HMGCLL1: variants seen among roughly 807,000 people sequenced by gnomAD.
HMGCLL1 encodes 3-hydroxymethyl-3-methylglutaryl-CoA lyase, cytoplasmic.
In HMGCLL1, 36 loss-of-function variants were observed where a neutral mutation model predicts 39.1. The ratio of observed to expected loss-of-function variants is 0.92; its 90% CI spans 0.71 to 1.22. The LOEUF (loss-of-function observed/expected upper bound fraction) is 1.22, where lower values mean the gene tolerates loss of function less well. HMGCLL1 is among the 50% of genes most tolerant of loss of function. The pLI, the probability that HMGCLL1 is intolerant of heterozygous loss-of-function variation, is 0.00. For missense variants in HMGCLL1, 451 were observed against 416.5 expected, an observed-to-expected ratio of 1.08 and a Z score of -0.72; for synonymous variants, 149 against 144.0, an observed-to-expected ratio of 1.03 and a Z score of -0.25.
At chr6:55,489,640 T>C (rs1017025817) in intron 7 of HMGCLL1, among the ~76,000 whole-genome samples, 1 of 152,050 alleles carries the variant, frequency 6.6e-6, no homozygotes, top group South Asian at 2.1e-4. Context: ...AAACTTGCAA[T>C]ATTATGTCTG....
chr6:55,476,176 T>G (rs748727371), intron 7 of HMGCLL1, among the ~76,000 whole-genome samples: 3 of 151,598 alleles, frequency 2.0e-5, no homozygotes, highest in African/African-American at 4.8e-5. Flanking sequence ...AAACTGGTAT[T>G]TGTTCAATAT....
chr6:55,639,952 C>T, the HMGCLL1 span, among the ~76,000 whole-genome samples: 1 of 152,042 alleles, frequency 6.6e-6, no homozygotes, highest in Non-Finnish European at 1.5e-5. Flanking sequence ...GTGGCATGTG[C>T]CTGTAATCCC....
Position 55,579,042 on chromosome 6 carries a change from G to T in HMGCLL1, c.14C>A (p.Pro5Gln), listed in dbSNP as rs1367578430. 6.2e-7 allele frequency: 1 copy of T among 1,611,770 alleles called. No homozygotes were observed. The highest frequency in any genetic ancestry group is 1.1e-5 in the South Asian group (1 of 90,574). Residue 5 changes from proline (P) to glutamine (Q), a missense_variant, in exon 1 of 9, where the codon CCA becomes CAA. Transcript: ENST00000274901. MGNV[P>Q]SAVKHCLSYQ... ...GCTGAGGCAGTGCTTCACCGCGGAT[G>T]GCACATTCCCCATGGCGGAGCCTGG...
chr6:55,616,036 A>T, the HMGCLL1 span, among the ~76,000 whole-genome samples: 1 of 152,130 alleles, frequency 6.6e-6, no homozygotes, highest in Non-Finnish European at 1.5e-5. Flanking sequence ...ATATAATATG[A>T]CATTTGAAAA....
chr6:55,497,179 T>C (rs1478208483), intron 6 of HMGCLL1, among the ~76,000 whole-genome samples: 1 of 152,102 alleles, frequency 6.6e-6, no homozygotes, highest in Non-Finnish European at 1.5e-5. Flanking sequence ...AGGTCTGAAT[T>C]TAAATCTCAG....
chr6:55,654,266 A>G, the HMGCLL1 span, among the ~76,000 whole-genome samples: 3 of 151,786 alleles, frequency 2.0e-5, no homozygotes, highest in African/African-American at 7.3e-5. Context: ...GACTGAATTT[A>G]TAATGAAATT....
the HMGCLL1 span, among the ~76,000 whole-genome samples, chr6:55,609,404 G>A: frequency 6.6e-6 from 1 of 152,112 alleles, no homozygotes; most frequent in Non-Finnish European, 1.5e-5. Flanking sequence ...ACAGCACACT[G>A]GCTGTGGCAC....
the HMGCLL1 span, among the ~76,000 whole-genome samples, chr6:55,636,746 T>C: frequency 6.6e-6 from 1 of 152,250 alleles, no homozygotes; most frequent in South Asian, 2.1e-4. Context: ...TTTAAATCTA[T>C]ATAATAATAA....
the HMGCLL1 span, among the ~76,000 whole-genome samples, chr6:55,589,249 C>T: frequency 1.3e-5 from 2 of 152,150 alleles, no homozygotes; most frequent in Non-Finnish European, 2.9e-5. Context: ...GCTGGTTCAA[C>T]ATACACAAAT....
chr6:55,505,153 C>T lies in HMGCLL1; in HGVS notation c.543-5854G>A, dbSNP rs528920571. Among the ~76,000 whole-genome samples, 4 of 151,668 alleles carry T rather than the reference C, an allele frequency of 2.6e-5. No homozygotes were observed. The East Asian group carries it at 7.7e-4, about 29-fold the overall frequency. On this transcript the variant is annotated intron_variant, in intron 5 of 8. Transcript: ENST00000274901. ...AGTGTTTCAGTCTTTAATAACCTTACCTAGAAGAATTAAATCATGAAAAAG... is the reference window on the plus strand; with the variant it reads ...AGTGTTTCAGTCTTTAATAACCTTATCTAGAAGAATTAAATCATGAAAAAG...
the HMGCLL1 span, among the ~76,000 whole-genome samples, chr6:55,594,324 T>G: frequency 6.6e-6 from 1 of 152,180 alleles, no homozygotes; most frequent in South Asian, 2.1e-4. Flanking sequence ...GTTTTCCTGG[T>G]TCAGGTCTAG....
the HMGCLL1 span, among the ~76,000 whole-genome samples, chr6:55,620,464 C>T: frequency 6.6e-6 from 1 of 152,060 alleles, no homozygotes; most frequent in Admixed American, 6.6e-5. Flanking sequence ...AGCACTTCTT[C>T]GTATATGTTT....
chr6:55,637,724 G>GTGTGTC, the HMGCLL1 span, among the ~76,000 whole-genome samples: 1 of 151,212 alleles, frequency 6.6e-6, no homozygotes, highest in East Asian at 1.9e-4. Context: ...ATGTGTGTGT[G>GTGTGTC]TGTGTGTGTG....
the HMGCLL1 span, among the ~76,000 whole-genome samples, chr6:55,596,052 C>T: frequency 2.6e-5 from 4 of 152,222 alleles, no homozygotes; most frequent in Admixed American, 6.5e-5. Flanking sequence ...AAGTTGGGCT[C>T]GATGGCTCAT....
At chr6:55,616,730 T>C in the HMGCLL1 span, among the ~76,000 whole-genome samples, 1 of 151,806 alleles carries the variant, frequency 6.6e-6, no homozygotes, top group Non-Finnish European at 1.5e-5. Context: ...AAAACAATAA[T>C]ATGACTGAGA....
the HMGCLL1 span, among the ~76,000 whole-genome samples, chr6:55,627,209 C>A: frequency 6.6e-6 from 1 of 151,998 alleles, no homozygotes; most frequent in Non-Finnish European, 1.5e-5. Context: ...GTATTTCCTC[C>A]TTCTTTTGTT....
chr6:55,504,590 C>T (rs1345771948), intron 5 of HMGCLL1, among the ~76,000 whole-genome samples: 1 of 151,592 alleles, frequency 6.6e-6, no homozygotes, highest in Non-Finnish European at 1.5e-5. Flanking sequence ...TACTTTAAAT[C>T]ATCTCTAGAT....
chr6:55,532,451 GCAA>G (rs1340112112), intron 3 of HMGCLL1, among the ~76,000 whole-genome samples: 4 of 152,034 alleles, frequency 2.6e-5, no homozygotes, highest in Admixed American at 1.3e-4. Context: ...AACGATGTTA[GCAA>G]CAAATATTTT....
the HMGCLL1 span, among the ~76,000 whole-genome samples, chr6:55,635,163 A>C: frequency 4.6e-5 from 7 of 152,116 alleles, no homozygotes; most frequent in South Asian, 2.1e-4. Flanking sequence ...AGAAAAAAAA[A>C]ATCATATGCC....
Sources: allele counts gnomAD v4.1 joint callset (sites outside exome capture counted in the v4.1 genomes callset), GRCh38; gene constraint gnomAD v4.1.1; transcripts MANE v1.5; gene names NCBI Gene and HGNC (gene_info 2026-07-23, HGNC 2026-07-21).